The following EOGT variants were observed in gnomAD, a reference collection of about 807,000 sequenced individuals.
The protein encoded by EOGT is EGF domain specific O-linked N-acetylglucosamine transferase.
A neutral mutation model predicts 70.5 loss-of-function variants in EOGT; 55 were observed. The ratio of observed to expected loss-of-function variants is 0.78; its 90% CI spans 0.63 to 0.98. EOGT has a LOEUF of 0.98. EOGT is among the 50% of genes least tolerant of loss of function. The probability of loss-of-function intolerance (pLI) is 0.00; values close to 1 mark genes in which losing one functional copy is unlikely to be tolerated. For missense variants in EOGT, 703 were observed against 641.9 expected (o/e 1.10, Z -1.03); for synonymous variants, 246 against 217.1 (o/e 1.13, Z -1.17).
chr3:68,987,611 T>C, intron 13 of EOGT, 98 bp from the exon 14 acceptor site: 2 of 851,530 alleles, frequency 2.3e-6, no homozygotes, highest in East Asian at 2.6e-5. Context: ...GAGATGAAAC[T>C]CAACCAGGAT....
intron 8 of EOGT, among the ~76,000 whole-genome samples, chr3:69,003,381 C>T (rs1356854849): frequency 6.6e-6 from 1 of 152,234 alleles, no homozygotes; most frequent in Admixed American, 6.5e-5. Flanking sequence ...ATGGGAGGCA[C>T]CCGGTGGGAG....
intron 10 of EOGT, among the ~76,000 whole-genome samples, chr3:68,993,823 AG>A (rs1360701382): frequency 1.3e-5 from 2 of 152,218 alleles, no homozygotes; most frequent in Non-Finnish European, 2.9e-5. Context: ...GGTGGCAGCA[AG>A]GGAAAATGAG....
intron 14 of EOGT, among the ~76,000 whole-genome samples, chr3:68,986,272 T>C (rs1304945150): frequency 1.3e-5 from 2 of 152,168 alleles, no homozygotes; most frequent in Non-Finnish European, 2.9e-5. Flanking sequence ...GCAACCTTAC[T>C]TTCCCTATGC....
At chr3:68,996,950 C>T (rs942563365) in intron 10 of EOGT, among the ~76,000 whole-genome samples, 1 of 152,150 alleles carries the variant, frequency 6.6e-6, no homozygotes, top group African/African-American at 2.4e-5. Context: ...TACTGTGTAC[C>T]AGGCATGGTG....
chr3:69,007,271 T>C (rs2091459552), intron 6 of EOGT, among the ~76,000 whole-genome samples: 1 of 152,076 alleles, frequency 6.6e-6, no homozygotes, highest in South Asian at 2.1e-4. Flanking sequence ...TAAGTGAGAG[T>C]GAGGAATTCC....
chr3:69,004,527 A>G (rs757722028), intron 7 of EOGT, 45 bp from the exon 8 acceptor site: 1 of 1,380,918 alleles, frequency 7.2e-7, no homozygotes, highest in Admixed American at 1.7e-5. Context: ...AAACGTCTTC[A>G]TGACCCAAGC....
intron 15 of EOGT, among the ~76,000 whole-genome samples, chr3:68,980,101 T>C (rs758946234): frequency 1.3e-5 from 2 of 152,190 alleles, no homozygotes; most frequent in Non-Finnish European, 2.9e-5. Flanking sequence ...TAAAAATTGA[T>C]ATAATCAAAC....
intron 8 of EOGT, among the ~76,000 whole-genome samples, chr3:69,004,136 GA>G (rs1433098155): frequency 2.0e-5 from 3 of 152,168 alleles, no homozygotes; most frequent in Non-Finnish European, 4.4e-5. Flanking sequence ...AATAAAAATG[GA>G]TTTTTAAGCT....
At chr3:68,982,764 A>AT (rs2090686089) in intron 15 of EOGT, 47 bp downstream of exon 15, 1 of 1,484,536 alleles carries the variant, frequency 6.7e-7, no homozygotes, top group African/African-American at 1.4e-5. Context: ...CCTTGACCTC[A>AT]TCCAAGCAAA....
intron 9 of EOGT, among the ~76,000 whole-genome samples, chr3:69,000,528 C>G (rs1426373801): frequency 6.6e-6 from 1 of 152,104 alleles, no homozygotes; most frequent in Non-Finnish European, 1.5e-5. Flanking sequence ...GAATTTAATA[C>G]TTTGTAATAT....
At chr3:68,987,819 G>A (rs2090860422) in intron 13 of EOGT, 2 of 432,822 alleles carry the variant, frequency 4.6e-6, no homozygotes, top group South Asian at 7.0e-5. Context: ...AATGAAGGGG[G>A]AAAGGAGGAC....
At chr3:68,996,470 C>A (rs2091149260) in intron 10 of EOGT, among the ~76,000 whole-genome samples, 1 of 152,222 alleles carries the variant, frequency 6.6e-6, no homozygotes, top group African/African-American at 2.4e-5. Flanking sequence ...GATGGGTAAA[C>A]TGCATCTGGA....
Position 68,977,683 on chromosome 3 carries a change from G to A in EOGT, c.1519C>T (p.Gln507Ter). The change falls in exon 18 of 18, where the codon CAG becomes TAG. Residue 507 changes from glutamine (Q) to a stop codon, truncating the protein, a stop_gained. Transcript: ENST00000383701. LOFTEE classifies it high-confidence loss of function. ...DVEEFMYLVL[Q>*]AADHVLQHPK... The stretch of plus-strand genomic sequence containing the variant: ...TGTTGCAATACGTGGTCTGCAGCCT[G>A]AAGGACAAGATACATAAATTCTTCT... 4 of 1,613,980 alleles carry A rather than the reference G, an allele frequency of 2.5e-6. No homozygotes were observed. The highest frequency in any genetic ancestry group is 3.4e-6 in the Non-Finnish European group (4 of 1,179,938).
At chr3:69,006,788 C>A (rs539803352) in intron 6 of EOGT, among the ~76,000 whole-genome samples, 5 of 152,060 alleles carry the variant, frequency 3.3e-5, no homozygotes, top group Admixed American at 1.3e-4. Flanking sequence ...CACTGAGGTA[C>A]GATATGGTAT....
intron 8 of EOGT, among the ~76,000 whole-genome samples, chr3:69,003,737 G>C (rs1575770223): frequency 6.6e-6 from 1 of 152,294 alleles, no homozygotes; most frequent in South Asian, 2.1e-4. Context: ...AGGGGGATGG[G>C]GGTAGAGCCT....
At chr3:69,005,105 T>A in intron 7 of EOGT, 35 bp downstream of exon 7, 1 of 1,170,690 alleles carries the variant, frequency 8.5e-7, no homozygotes. Context: ...TATTTCAGAA[T>A]TTATACTAGA....
intron 3 of EOGT, 80 bp from the exon 4 acceptor site, chr3:69,009,940 A>AC (rs1456167830): frequency 1.3e-6 from 1 of 746,342 alleles, no homozygotes; most frequent in African/African-American, 1.8e-5. Flanking sequence ...CAACAAAAAA[A>AC]AAAAAAAAAC....
intron 10 of EOGT, among the ~76,000 whole-genome samples, chr3:68,995,960 A>G (rs929577719): frequency 2.6e-5 from 4 of 152,344 alleles, no homozygotes; most frequent in East Asian, 1.9e-4. Flanking sequence ...ATGAAGTAAC[A>G]TAATTTATGT....
chr3:69,011,786 T>A (rs2091585393), intron 3 of EOGT, 150 bp downstream of exon 3: 1 of 151,934 alleles, frequency 6.6e-6, no homozygotes, highest in African/African-American at 2.4e-5. Flanking sequence ...CCCTCAAGAG[T>A]ATGGTGTTAT....
Sources: gnomAD v4.1 joint callset for allele counts (sites outside exome capture counted in the v4.1 genomes callset) on GRCh38, gnomAD v4.1.1 for gene constraint, MANE v1.5 for transcripts, NCBI Gene and HGNC (gene_info 2026-07-23, HGNC 2026-07-21) for gene names.